Variants in OTOGL observed in about 807,000 individuals in gnomAD.
The protein encoded by OTOGL is otogelin-like protein.
Under a neutral mutation model 318.5 loss-of-function variants are expected in OTOGL, and 285 were observed. The ratio of observed to expected loss-of-function variants is 0.89; its 90% confidence interval spans 0.81 to 0.99. The LOEUF (loss-of-function observed/expected upper bound fraction) is 0.99, where lower values mean the gene tolerates loss of function less well. Among genes scored for constraint, OTOGL ranks in the 50% least tolerant of loss-of-function variants. The probability of loss-of-function intolerance (pLI) is 0.00; values close to 1 mark genes in which losing one functional copy is unlikely to be tolerated. For missense variants in OTOGL, 2,899 were observed against 2,845.6 expected (o/e 1.02, Z -0.43); for synonymous variants, 987 against 936.5 (o/e 1.05, Z -0.99).
chr12:80,184,104 G>A (rs781740148), intron 1 of OTOGL, among the ~76,000 whole-genome samples: 4 of 152,114 alleles, frequency 2.6e-5, no homozygotes, highest in Non-Finnish European at 4.4e-5. Context: ...TTTAAACTAG[G>A]AATGGAAAAT....
intron 1 of OTOGL, among the ~76,000 whole-genome samples, chr12:80,110,009 A>G (rs993818407): frequency 6.6e-6 from 1 of 151,518 alleles, no homozygotes; most frequent in Admixed American, 6.6e-5. Context: ...TACATGTGCA[A>G]TGGTAGTTTG....
chr12:80,279,195 C>T (rs2137623728), intron 26 of OTOGL, 29 bp downstream of exon 26: 1 of 1,559,410 alleles, frequency 6.4e-7, no homozygotes, highest in Middle Eastern at 1.7e-4. Flanking sequence ...TTTTTATTTG[C>T]ATTCGTGTAA....
At chr12:80,172,166 T>C (rs6539493) in intron 1 of OTOGL, among the ~76,000 whole-genome samples, 24,653 of 152,126 alleles carry the variant, frequency 0.16, 3,737 homozygotes, top group African/African-American at 0.4. Context: ...TTTCCTGCTT[T>C]TGTTCCTTTT....
chr12:80,371,368 A>G (rs1419068919), intron 56 of OTOGL, among the ~76,000 whole-genome samples: 1 of 152,086 alleles, frequency 6.6e-6, no homozygotes, highest in Non-Finnish European at 1.5e-5. Flanking sequence ...TACCTTTTCA[A>G]TGATGACGGC....
intron 1 of OTOGL, among the ~76,000 whole-genome samples, chr12:80,170,223 G>A (rs200814672): frequency 3.7e-4 from 54 of 145,010 alleles, no homozygotes; most frequent in Non-Finnish European, 6.9e-4. Context: ...GTATGTATGT[G>A]TGTGTGTGTA....
In OTOGL at chr12:80,222,247, T is replaced by C; in HGVS notation, c.489+2T>C. On this transcript the variant is annotated splice_donor_variant, in intron 7 of 58. Transcript: ENST00000547103. LOFTEE classifies it high-confidence loss of function. ...TTGGAGCCTCGGTACACTGTATGGGTAGGTGATTGTAGGACATGATTAACT... is the reference window on the plus strand; with the variant it reads ...TTGGAGCCTCGGTACACTGTATGGGCAGGTGATTGTAGGACATGATTAACT... 6.4e-7 allele frequency: 1 copy of C among 1,574,038 alleles called. No individual in the cohort carries two copies. The highest frequency in any genetic ancestry group is 8.6e-7 in the Non-Finnish European group (1 of 1,165,374).
At chr12:80,174,774 A>C (rs1210657061) in intron 1 of OTOGL, among the ~76,000 whole-genome samples, 1 of 152,144 alleles carries the variant, frequency 6.6e-6, no homozygotes, top group Non-Finnish European at 1.5e-5. Flanking sequence ...AAGGCACCTC[A>C]CCACACATGA....
rs756455390 is a variant in OTOGL at position 80,253,162 on chromosome 12, CCTT to C, written c.1286-301_1286-299del. 7.2e-4 allele frequency among the ~76,000 whole-genome samples: 109 copies of C among 152,246 alleles called. 1 individual carries two copies. The highest frequency in any genetic ancestry group is 8.5e-4 in the Admixed American group (13 of 15,284). ...TAAACTAAAAATGTACTTTCTCCCT[CCTT>C]CTCTCCCTTCCTCCCTCAAATGCAA... On this transcript the variant is annotated intron_variant, in intron 13 of 58. Coordinates refer to ENST00000547103, the MANE Select transcript of OTOGL (RefSeq NM_001378609.3).
intron 1 of OTOGL, among the ~76,000 whole-genome samples, chr12:80,196,312 A>G (rs1003467677): frequency 1.3e-5 from 2 of 152,190 alleles, no homozygotes; most frequent in African/African-American, 4.8e-5. Context: ...CCTTTCAACT[A>G]TGCACCTTAC....
At position 80,279,145 on chromosome 12, in the gene OTOGL, T is replaced by C; in HGVS notation, c.2907T>C (p.Asp969=). Residue 969 remains aspartate, a synonymous_variant, in exon 26 of 59, where the codon GAT becomes GAC. Transcript: ENST00000547103. ...FDGLEYDYIS[D]CQVFLIKSAD... is the part of the protein sequence containing the mutation. The stretch of plus-strand genomic sequence containing the variant: ...GACTAGAATATGACTATATCAGTGA[T>C]TGCCAGGTGTTTTTGATAAAGGTAG... The C allele has an allele frequency of 6.3e-7, 1 of 1,591,078 alleles. No homozygotes were observed. Among genetic ancestry groups the C allele is most frequent in the Non-Finnish European group, 8.5e-7 (1 of 1,175,644 alleles).
chr12:80,335,851 G>C, intron 38 of OTOGL, 112 bp from the exon 39 acceptor site: 2 of 964,732 alleles, frequency 2.1e-6, no homozygotes, highest in Non-Finnish European at 2.8e-6. Context: ...TCTTTCAAAA[G>C]TTTTTGTATT....
Position 80,279,119 on chromosome 12 carries a change from G to T in OTOGL, c.2881G>T (p.Gly961Ter). 1.3e-6 allele frequency: 2 copies of T among 1,593,844 alleles called. No individual in the cohort carries two copies. Residue 961 changes from glycine (G) to a stop codon, truncating the protein, a stop_gained, in exon 26 of 59, where the codon GGA becomes TGA. Transcript: ENST00000547103. LOFTEE classifies it high-confidence loss of function. ...GGACCGACATTATTATTCTTTTGAT[G>T]GACTAGAATATGACTATATCAGTGA... Reference protein sequence around the residue: ...YGDRHYYSFDGLEYDYISDCQ... With the variant: ...YGDRHYYSFD
At chr12:80,194,998 A>G (rs1875958209) in intron 1 of OTOGL, among the ~76,000 whole-genome samples, 2 of 152,202 alleles carry the variant, frequency 1.3e-5, no homozygotes, top group Non-Finnish European at 2.9e-5. Context: ...CAAAAGCCTC[A>G]TTTTAAAAAA....
rs970503556 is a variant in OTOGL, at chr12:80,250,026, C to T, written c.1053-1667C>T. Among the ~76,000 whole-genome samples, 6 of 152,056 alleles carry T rather than the reference C, an allele frequency of 3.9e-5. No homozygotes were observed. In the East Asian group the frequency reaches 5.8e-4, roughly 15 times the overall value. On this transcript the variant is annotated intron_variant, in intron 11 of 58. Transcript: ENST00000547103. The stretch of plus-strand genomic sequence containing the variant: ...CAATGCCTCGCCCTGCTTCGGCTCG[C>T]GCACGGTGCGCGCACCCACTGACCT...
At chr12:80,292,433 C>T (rs1198298446) in intron 26 of OTOGL, among the ~76,000 whole-genome samples, 5 of 152,234 alleles carry the variant, frequency 3.3e-5, no homozygotes, top group Non-Finnish European at 7.3e-5. Context: ...CAGCAATCCT[C>T]ATGAACACAT....
intron 13 of OTOGL, among the ~76,000 whole-genome samples, chr12:80,253,257 A>G (rs1357122562): frequency 1.3e-5 from 2 of 152,070 alleles, no homozygotes; most frequent in Non-Finnish European, 2.9e-5. Context: ...AAGTCATGGG[A>G]TAAGAAAATT....
intron 1 of OTOGL, among the ~76,000 whole-genome samples, chr12:80,177,728 C>T (rs1874621994): frequency 6.6e-6 from 1 of 152,040 alleles, no homozygotes; most frequent in African/African-American, 2.4e-5. Context: ...GTATATACCT[C>T]CATTTCTTTA....
intron 55 of OTOGL, among the ~76,000 whole-genome samples, chr12:80,369,543 A>AGT: frequency 6.6e-6 from 1 of 152,044 alleles, no homozygotes; most frequent in Non-Finnish European, 1.5e-5. Context: ...TTGAATCATG[A>AGT]ATAGTAGTAA....
At chr12:80,364,426 TAACATAC>T (rs1890409182) in intron 52 of OTOGL, among the ~76,000 whole-genome samples, 1 of 152,212 alleles carries the variant, frequency 6.6e-6, no homozygotes, top group Non-Finnish European at 1.5e-5. Flanking sequence ...TAAATTCACA[TAACATAC>T]AATACATCCA....
Sources: gnomAD v4.1 joint callset for allele counts (sites outside exome capture counted in the v4.1 genomes callset) on GRCh38, gnomAD v4.1.1 for gene constraint, MANE v1.5 for transcripts, NCBI Gene and HGNC (gene_info 2026-07-23, HGNC 2026-07-21) for gene names.